The following RFX3 variants were observed in gnomAD, a reference collection of about 807,000 sequenced individuals.
RFX3 encodes regulatory factor X3, also known as transcription factor RFX3.
A neutral mutation model predicts 98.6 loss-of-function variants in RFX3; 14 were observed. The observed-to-expected ratio is 0.14, with a 90% CI of 0.09 to 0.22. RFX3 has a LOEUF of 0.22. RFX3 is among the 10% of genes least tolerant of loss of function. The probability of loss-of-function intolerance (pLI) is 1.00; values close to 1 mark genes in which losing one functional copy is unlikely to be tolerated. For missense variants in RFX3, 639 were observed against 926.9 expected (o/e 0.69, Z 4.03); for synonymous variants, 383 against 328.4 (o/e 1.17, Z -1.80).
At chr9:3,286,820 T>A (rs140761081) in intron 7 of RFX3, among the ~76,000 whole-genome samples, 17 of 152,040 alleles carry the variant, frequency 1.1e-4, no homozygotes, top group African/African-American at 3.4e-4. Flanking sequence ...AAATATGTCA[T>A]GGACCATTTA....
At chr9:3,235,273 G>A (rs1818984927) in intron 15 of RFX3, among the ~76,000 whole-genome samples, 1 of 152,190 alleles carries the variant, frequency 6.6e-6, no homozygotes, top group African/African-American at 2.4e-5. Flanking sequence ...AAAGCAAATA[G>A]GGAGTGTTCC....
intron 14 of RFX3, among the ~76,000 whole-genome samples, chr9:3,251,273 A>G (rs551175878): frequency 6.6e-6 from 1 of 152,346 alleles, no homozygotes; most frequent in South Asian, 2.1e-4. Flanking sequence ...ATTTAACCCA[A>G]AAAGAAACAT....
chr9:3,278,906 A>G (rs1216892720), intron 7 of RFX3, among the ~76,000 whole-genome samples: 2 of 151,890 alleles, frequency 1.3e-5, no homozygotes, highest in East Asian at 3.9e-4. Flanking sequence ...TCATTACAAA[A>G]AAATTGATTG....
chr9:3,489,077 T>G (rs1462173792), intron 1 of RFX3, among the ~76,000 whole-genome samples: 1 of 152,086 alleles, frequency 6.6e-6, no homozygotes, highest in Non-Finnish European at 1.5e-5. Flanking sequence ...ATTTACCAGA[T>G]TATACATGCT....
intron 1 of RFX3, among the ~76,000 whole-genome samples, chr9:3,432,632 G>T (rs747021606): frequency 6.6e-6 from 1 of 152,168 alleles, no homozygotes; most frequent in African/African-American, 2.4e-5. Flanking sequence ...GGATCTTGGA[G>T]AAATCCAAGA....
intron 1 of RFX3, among the ~76,000 whole-genome samples, chr9:3,427,294 A>G (rs1043333607): frequency 2.8e-5 from 4 of 143,640 alleles, no homozygotes; most frequent in Non-Finnish European, 6.1e-5. Flanking sequence ...TACTATATAT[A>G]AATATATATT....
chr9:3,418,000 T>C (rs1262665205), intron 1 of RFX3, among the ~76,000 whole-genome samples: 4 of 152,206 alleles, frequency 2.6e-5, no homozygotes, highest in Admixed American at 1.3e-4. Context: ...AAAATAGATA[T>C]GCATATTTGT....
At chr9:3,326,285 T>C (rs1209528498) in intron 4 of RFX3, among the ~76,000 whole-genome samples, 1 of 152,118 alleles carries the variant, frequency 6.6e-6, no homozygotes, top group Non-Finnish European at 1.5e-5. Context: ...AATATATTCA[T>C]CATATAAAAT....
chr9:3,509,745 T>G (rs1239034639), intron 1 of RFX3, among the ~76,000 whole-genome samples: 1 of 151,992 alleles, frequency 6.6e-6, no homozygotes, highest in Non-Finnish European at 1.5e-5. Context: ...AGTTCAAAAT[T>G]ATAGATAAAC....
chr9:3,408,986 G>T (rs1386612141), intron 1 of RFX3, among the ~76,000 whole-genome samples: 3 of 152,204 alleles, frequency 2.0e-5, no homozygotes, highest in Non-Finnish European at 1.5e-5. Flanking sequence ...ATTGTTAACA[G>T]CTACTTGTAC....
intron 1 of RFX3, among the ~76,000 whole-genome samples, chr9:3,485,287 G>C (rs1850163478): frequency 2.0e-5 from 3 of 152,100 alleles, no homozygotes; most frequent in Non-Finnish European, 4.4e-5. Context: ...TATAAGAAAT[G>C]AATGAAACTA....
intron 7 of RFX3, among the ~76,000 whole-genome samples, chr9:3,281,041 G>GTA (rs1050896391): frequency 6.6e-6 from 1 of 151,656 alleles, no homozygotes; most frequent in East Asian, 1.9e-4. Flanking sequence ...AACTGATTTT[G>GTA]TATATATATC....
At chr9:3,516,599 T>G (rs1406161502) in intron 1 of RFX3, among the ~76,000 whole-genome samples, 1 of 152,158 alleles carries the variant, frequency 6.6e-6, no homozygotes. Context: ...GATTTTTAGC[T>G]CTTCTTAAAA....
At position 3,514,564 on chromosome 9, in the gene RFX3, C is replaced by A. The variant is rs546566583; in HGVS notation, c.-9+11183G>T. On this transcript the variant is annotated intron_variant, in intron 1 of 16. Coordinates refer to ENST00000617270, the MANE Select transcript of RFX3 (RefSeq NM_001282116.2). ...CTCGAGGGCTGAAGCAATACACCCACCTCAGTCCTGAGGGGGTGGTACTAC... is the reference window on the plus strand; with the variant it reads ...CTCGAGGGCTGAAGCAATACACCCAACTCAGTCCTGAGGGGGTGGTACTAC... Among the ~76,000 whole-genome samples, 482 of 152,174 alleles carry A rather than the reference C, an allele frequency of 3.2e-3. 2 individuals are homozygous for A. Among genetic ancestry groups the A allele is most frequent in the Middle Eastern group, 6.8e-3 (2 of 294 alleles).
chr9:3,282,140 G>GA (rs964017063), intron 7 of RFX3, among the ~76,000 whole-genome samples: 1 of 151,670 alleles, frequency 6.6e-6, no homozygotes, highest in African/African-American at 2.4e-5. Flanking sequence ...AATCTCTTTG[G>GA]AAAAAACTGT....
intron 1 of RFX3, among the ~76,000 whole-genome samples, chr9:3,423,477 C>T (rs1294955466): frequency 1.3e-5 from 2 of 152,130 alleles, no homozygotes; most frequent in Non-Finnish European, 2.9e-5. Flanking sequence ...TATTCATACA[C>T]ATAGCACATG....
intron 1 of RFX3, among the ~76,000 whole-genome samples, chr9:3,502,242 A>G (rs1297227733): frequency 1.3e-5 from 2 of 151,896 alleles, no homozygotes; most frequent in Non-Finnish European, 2.9e-5. Flanking sequence ...TGGGAGACAC[A>G]GCAAGACTCT....
intron 7 of RFX3, among the ~76,000 whole-genome samples, chr9:3,279,367 T>C (rs1385266634): frequency 6.6e-6 from 1 of 151,858 alleles, no homozygotes; most frequent in Admixed American, 6.6e-5. Flanking sequence ...GAGTTTGGGA[T>C]TCACAGAGCT....
At chr9:3,287,165 T>G (rs1467885741) in intron 7 of RFX3, among the ~76,000 whole-genome samples, 1 of 151,920 alleles carries the variant, frequency 6.6e-6, no homozygotes, top group Non-Finnish European at 1.5e-5. Flanking sequence ...ATAAAATTAC[T>G]GTGTGATATA....
Sources: allele counts gnomAD v4.1 joint callset (sites outside exome capture counted in the v4.1 genomes callset), GRCh38; gene constraint gnomAD v4.1.1; transcripts MANE v1.5; gene names NCBI Gene and HGNC (gene_info 2026-07-23, HGNC 2026-07-21).